POLA1: variants seen among roughly 807,000 people sequenced by gnomAD.
The protein encoded by POLA1 is DNA polymerase alpha 1, catalytic subunit, also known as DNA polymerase alpha catalytic subunit.
A neutral mutation model predicts 124.0 loss-of-function variants in POLA1; 15 were observed. The ratio of observed to expected loss-of-function variants is 0.12; its 90% CI spans 0.08 to 0.19. POLA1 has a LOEUF of 0.19. Ranked by LOEUF, POLA1 falls within the 10% of genes least tolerant of loss-of-function variation. The probability of loss-of-function intolerance (pLI) is 1.00; values close to 1 mark genes in which losing one functional copy is unlikely to be tolerated. For synonymous variants in POLA1, 408 were observed against 389.4 expected, an observed-to-expected ratio of 1.05 and a Z score of -0.56; for missense variants, 886 against 1,103.4, an observed-to-expected ratio of 0.80 and a Z score of 2.79.
intron 26 of POLA1, among the ~76,000 whole-genome samples, chrX:24,780,612 A>G (rs1161162012): frequency 1.8e-5 from 2 of 112,204 alleles, no homozygotes; most frequent in African/African-American, 6.5e-5. Flanking sequence ...ATGGTGATTT[A>G]TAATGATTGC....
intron 26 of POLA1, among the ~76,000 whole-genome samples, chrX:24,796,620 G>T (rs777672845): frequency 1.0e-3 from 113 of 111,641 alleles, no homozygotes; most frequent in Non-Finnish European, 1.6e-3. Flanking sequence ...TACCCCTTCA[G>T]TGAGCTGTGC....
chrX:24,995,477 C>G (rs1385897152), intron 36 of POLA1, among the ~76,000 whole-genome samples: 4 of 111,894 alleles, frequency 3.6e-5, no homozygotes. Flanking sequence ...CATGTGCTCG[C>G]AGCGCCGGTG....
intron 26 of POLA1, among the ~76,000 whole-genome samples, chrX:24,765,323 A>C (rs1457460484): frequency 2.1e-5 from 2 of 97,274 alleles, no homozygotes; most frequent in Non-Finnish European, 2.0e-5. Flanking sequence ...TTTGAGACAG[A>C]GTCTTGCTCT....
At chrX:24,823,283 C>G (rs1480093104) in intron 31 of POLA1, among the ~76,000 whole-genome samples, 1 of 112,198 alleles carries the variant, frequency 8.9e-6, no homozygotes, top group Non-Finnish European at 1.9e-5. Context: ...GGGACATGCT[C>G]CCTTTCAACC....
intron 36 of POLA1, among the ~76,000 whole-genome samples, chrX:24,966,531 G>A (rs2048225660): frequency 8.9e-6 from 1 of 112,220 alleles, no homozygotes; most frequent in Admixed American, 9.4e-5. Flanking sequence ...AGGCTACATG[G>A]ATGGTTTTGA....
intron 4 of POLA1, 132 bp from the exon 5 acceptor site, chrX:24,714,422 C>T: frequency 2.3e-6 from 1 of 434,162 alleles, no homozygotes; most frequent in Non-Finnish European, 4.0e-6. Context: ...TCCCAAAGTG[C>T]TGGGAATACA....
intron 36 of POLA1, among the ~76,000 whole-genome samples, chrX:24,982,969 A>G (rs1384984592): frequency 8.9e-6 from 1 of 112,402 alleles, no homozygotes; most frequent in Non-Finnish European, 1.9e-5. Context: ...TAAATAAGCT[A>G]TAATCTGTGC....
intron 34 of POLA1, among the ~76,000 whole-genome samples, chrX:24,877,796 C>T (rs2046953200): frequency 9.0e-6 from 1 of 111,659 alleles, no homozygotes. Flanking sequence ...TATAATCCTA[C>T]ATTCATGTAA....
chrX:24,820,534 C>T (rs1169129764), intron 30 of POLA1, among the ~76,000 whole-genome samples: 1 of 111,316 alleles, frequency 9.0e-6, no homozygotes, highest in Non-Finnish European at 1.9e-5. Context: ...TGTTTCTCTG[C>T]CTGGAATATT....
chrX:24,764,964 T>C (rs1303475593), intron 26 of POLA1, among the ~76,000 whole-genome samples: 1 of 111,345 alleles, frequency 9.0e-6, no homozygotes, highest in East Asian at 2.8e-4. Flanking sequence ...CATCATATCA[T>C]TCTGCTTTGA....
intron 26 of POLA1, among the ~76,000 whole-genome samples, chrX:24,758,894 A>G (rs1211204914): frequency 9.0e-6 from 1 of 110,631 alleles, no homozygotes; most frequent in Non-Finnish European, 1.9e-5. Context: ...GTTAGCCAGG[A>G]TGGTCTCGAT....
At chrX:24,967,244 G>C (rs1426199916) in intron 36 of POLA1, among the ~76,000 whole-genome samples, 1 of 107,258 alleles carries the variant, frequency 9.3e-6, no homozygotes, top group Non-Finnish European at 1.9e-5. Context: ...TTAGGTACAA[G>C]TACTACATGA....
At chrX:24,711,975 A>G (rs2148335281) in intron 4 of POLA1, among the ~76,000 whole-genome samples, 1 of 112,755 alleles carries the variant, frequency 8.9e-6, no homozygotes, top group South Asian at 3.7e-4. Context: ...TGAACAATGT[A>G]TGAATGTCTG....
chrX:24,770,325 A>G (rs914842160), intron 26 of POLA1, among the ~76,000 whole-genome samples: 1 of 111,333 alleles, frequency 9.0e-6, no homozygotes, highest in Admixed American at 9.6e-5. Flanking sequence ...ATTCCATGCC[A>G]TATGACTAAG....
At chrX:24,914,070 T>C in intron 35 of POLA1, among the ~76,000 whole-genome samples, 1 of 109,842 alleles carries the variant, frequency 9.1e-6, no homozygotes, top group Non-Finnish European at 1.9e-5. Context: ...ATGGCATGAC[T>C]TTTTAGCCAG....
chrX:24,709,362 C>T (rs779022502), intron 4 of POLA1, among the ~76,000 whole-genome samples: 51 of 97,639 alleles, frequency 5.2e-4, no homozygotes, highest in African/African-American at 1.8e-3. Flanking sequence ...ACCTCCCTCC[C>T]GGACAGCACG....
chrX:24,815,235 A>G lies in POLA1; in HGVS notation c.3429+124A>G, dbSNP rs779611698. ...TTCTAGCTGGTGATGAAAGCTGCTT[A>G]ACAACTATCTCACAGATTGAGTATT... On this transcript the variant is annotated intron_variant, in intron 30 of 36. Coordinates refer to ENST00000379068, the MANE Select transcript of POLA1 (RefSeq NM_001330360.2). 2.2e-4 allele frequency: 137 copies of G among 623,710 alleles called. 1 individual carries two copies. In the Middle Eastern group the frequency reaches 8.5e-3, roughly 39 times the overall value. 51.4% of individuals were successfully genotyped at this position (623,710 alleles called of 1,213,427 possible).
At chrX:24,724,309 C>A in intron 11 of POLA1, 26 bp from the exon 12 acceptor site, 1 of 766,588 alleles carries the variant, frequency 1.3e-6, no homozygotes, top group Non-Finnish European at 2.0e-6. Flanking sequence ...TTTTTTTCCC[C>A]TCTGTCCCCT....
intron 19 of POLA1, 83 bp downstream of exon 19, chrX:24,737,824 C>G (rs1931371577): frequency 2.2e-6 from 1 of 446,783 alleles, no homozygotes; most frequent in South Asian, 4.6e-5. Flanking sequence ...CTTTTTAAAA[C>G]AGGAATTGGT....
Sources: gnomAD v4.1 joint callset for allele counts (sites outside exome capture counted in the v4.1 genomes callset) on GRCh38, gnomAD v4.1.1 for gene constraint, MANE v1.5 for transcripts, NCBI Gene and HGNC (gene_info 2026-07-23, HGNC 2026-07-21) for gene names.